Variants in GRM8 observed in about 807,000 individuals in gnomAD.
The protein encoded by GRM8 is metabotropic glutamate receptor 8.
Under a neutral mutation model 87.2 loss-of-function variants are expected in GRM8, and 47 were observed. The ratio of observed to expected loss-of-function variants is 0.54; its 90% confidence interval spans 0.43 to 0.69. GRM8 has a LOEUF of 0.69. Ranked by LOEUF, GRM8 falls within the 30% of genes least tolerant of loss-of-function variation. The pLI, the probability that GRM8 is intolerant of heterozygous loss-of-function variation, is 0.00. For synonymous variants in GRM8, 396 were observed against 404.5 expected (o/e 0.98, Z 0.25); for missense variants, 1,019 against 1,139.2 (o/e 0.89, Z 1.52).
chr7:126,538,670 C>T (rs1028667439), intron 8 of GRM8, among the ~76,000 whole-genome samples: 4 of 151,862 alleles, frequency 2.6e-5, no homozygotes, highest in Middle Eastern at 3.2e-3. Flanking sequence ...TTTGACACCT[C>T]GATATTCAAA....
rs201101766 is a variant in GRM8 at position 127,036,210 on chromosome 7, T to TA, written c.727+70285dup. Among the ~76,000 whole-genome samples the TA allele has an allele frequency of 4.9e-3, 735 of 151,388 alleles. 5 individuals carry two copies. The highest frequency in any genetic ancestry group is 0.017 in the African/African-American group (692 of 41,246). On this transcript the variant is annotated intron_variant, in intron 3 of 10. Coordinates refer to ENST00000339582, the MANE Select transcript of GRM8 (RefSeq NM_000845.3). ...TCTAATTCTTATACCTACACCATAT[T>TA]AAAAAAAAACTGAGGTATAGAGGAG...
At chr7:126,760,494 C>T (rs1389921336) in intron 7 of GRM8, among the ~76,000 whole-genome samples, 1 of 152,132 alleles carries the variant, frequency 6.6e-6, no homozygotes, top group East Asian at 1.9e-4. Flanking sequence ...AATTACAGTG[C>T]TAAATTTCAT....
intron 7 of GRM8, among the ~76,000 whole-genome samples, chr7:126,743,209 T>C (rs143732342): frequency 6.5e-4 from 99 of 152,266 alleles, no homozygotes; most frequent in African/African-American, 2.2e-3. Flanking sequence ...ACATATGTAG[T>C]ACGATTTCAG....
At chr7:126,938,145 T>A (rs1014555654) in intron 3 of GRM8, among the ~76,000 whole-genome samples, 27 of 152,150 alleles carry the variant, frequency 1.8e-4, no homozygotes, top group African/African-American at 6.3e-4. Flanking sequence ...GGTATACATG[T>A]TTATAAAGGA....
At chr7:127,248,616 T>A (rs1175093166) in intron 1 of GRM8, among the ~76,000 whole-genome samples, 1 of 152,210 alleles carries the variant, frequency 6.6e-6, no homozygotes, top group Non-Finnish European at 1.5e-5. Context: ...TTCCCCCATC[T>A]CCCAGTTTGT....
At chr7:126,764,518 A>G (rs1208827959) in intron 7 of GRM8, among the ~76,000 whole-genome samples, 1 of 152,090 alleles carries the variant, frequency 6.6e-6, no homozygotes, top group South Asian at 2.1e-4. Flanking sequence ...ATTTCCTTCA[A>G]AATCAGACTA....
At chr7:126,466,114 T>C (rs1804474636) in intron 9 of GRM8, among the ~76,000 whole-genome samples, 1 of 151,974 alleles carries the variant, frequency 6.6e-6, no homozygotes, top group Non-Finnish European at 1.5e-5. Context: ...GTGTGTCTTT[T>C]ATTAAAATCT....
At chr7:127,078,157 G>T (rs1030099484) in intron 3 of GRM8, among the ~76,000 whole-genome samples, 2 of 152,170 alleles carry the variant, frequency 1.3e-5, no homozygotes, top group Non-Finnish European at 2.9e-5. Flanking sequence ...TCCTTAGAAC[G>T]TGGCAATAGT....
intron 2 of GRM8, among the ~76,000 whole-genome samples, chr7:127,178,662 A>C (rs375985726): frequency 2.5e-4 from 38 of 152,346 alleles, no homozygotes; most frequent in African/African-American, 9.1e-4. Context: ...TCTCTGGAGA[A>C]ACCCTACAAG....
At chr7:126,896,886 C>T (rs1801597084) in intron 6 of GRM8, among the ~76,000 whole-genome samples, 1 of 152,154 alleles carries the variant, frequency 6.6e-6, no homozygotes, top group Non-Finnish European at 1.5e-5. Context: ...GCAAAGAAAA[C>T]ACCTCAAATT....
At chr7:126,617,749 C>T (rs1339328824) in intron 7 of GRM8, among the ~76,000 whole-genome samples, 2 of 152,006 alleles carry the variant, frequency 1.3e-5, no homozygotes, top group Non-Finnish European at 2.9e-5. Flanking sequence ...AAACAGAGAG[C>T]CAAATCATGA....
chr7:126,896,522 T>C (rs971814713), intron 6 of GRM8, among the ~76,000 whole-genome samples: 1 of 152,124 alleles, frequency 6.6e-6, no homozygotes, highest in Admixed American at 6.6e-5. Context: ...CTATGCGTCC[T>C]GAGTGAATAC....
intron 6 of GRM8, among the ~76,000 whole-genome samples, chr7:126,834,494 T>G (rs183510630): frequency 5.8e-4 from 88 of 152,350 alleles, no homozygotes; most frequent in African/African-American, 2.1e-3. Context: ...TTTCCATTTA[T>G]CAGTTCCTTT....
chr7:126,450,928 C>G (rs1055167983), intron 9 of GRM8, among the ~76,000 whole-genome samples: 2 of 151,778 alleles, frequency 1.3e-5, no homozygotes, highest in African/African-American at 4.8e-5. Flanking sequence ...AGAATTACAC[C>G]CTTAAACCAA....
intron 7 of GRM8, among the ~76,000 whole-genome samples, chr7:126,646,736 T>G (rs1474193117): frequency 6.6e-6 from 1 of 152,236 alleles, no homozygotes; most frequent in African/African-American, 2.4e-5. Flanking sequence ...CTCCATTGGC[T>G]TTTTGTAGTG....
chr7:127,089,895 G>A (rs1219835719), intron 3 of GRM8, among the ~76,000 whole-genome samples: 1 of 152,150 alleles, frequency 6.6e-6, no homozygotes, highest in African/African-American at 2.4e-5. Flanking sequence ...TTCTCTGTGG[G>A]ATTCTTTCTG....
At chr7:126,667,371 G>A (rs1360737585) in intron 7 of GRM8, among the ~76,000 whole-genome samples, 3 of 152,172 alleles carry the variant, frequency 2.0e-5, no homozygotes, top group Non-Finnish European at 1.5e-5. Flanking sequence ...ACTGTAGAAT[G>A]TTCTTAAAAT....
intron 8 of GRM8, among the ~76,000 whole-genome samples, chr7:126,535,150 G>A (rs539400028): frequency 2.0e-5 from 3 of 152,248 alleles, no homozygotes; most frequent in South Asian, 2.1e-4. Context: ...AGTCTCCACC[G>A]TGGCCCCCAA....
intron 2 of GRM8, among the ~76,000 whole-genome samples, chr7:127,210,468 G>C (rs549599062): frequency 5.3e-5 from 8 of 152,226 alleles, no homozygotes; most frequent in Non-Finnish European, 8.8e-5. Context: ...TAAGGGAGTA[G>C]CCTCTGGCCC....
Sources: gnomAD v4.1 joint callset for allele counts (sites outside exome capture counted in the v4.1 genomes callset) on GRCh38, gnomAD v4.1.1 for gene constraint, MANE v1.5 for transcripts, NCBI Gene and HGNC (gene_info 2026-07-23, HGNC 2026-07-21) for gene names.